The following ACTL8 variants were observed in gnomAD, a reference collection of about 807,000 sequenced individuals.
ACTL8 encodes actin-like protein 8.
ACTL8 carries 3 observed loss-of-function variants against 9.3 expected under a neutral mutation model. The ratio of observed to expected loss-of-function variants is 0.32; its 90% CI spans 0.15 to 0.83. ACTL8 has a LOEUF of 0.83. Ranked by LOEUF, ACTL8 falls within the 40% of genes least tolerant of loss-of-function variation. ACTL8 has a pLI of 0.57. For synonymous variants in ACTL8, 224 were observed against 205.9 expected, an observed-to-expected ratio of 1.09 and a Z score of -0.75; for missense variants, 381 against 492.2, an observed-to-expected ratio of 0.77 and a Z score of 2.14.
At chr1:17,795,339 T>C (rs902341846) in intron 1 of ACTL8, among the ~76,000 whole-genome samples, 9 of 152,226 alleles carry the variant, frequency 5.9e-5, no homozygotes, top group African/African-American at 2.2e-4. Context: ...TAGGGAGGCC[T>C]GGGAAAGGAG....
chr1:17,802,061 A>G (rs2066326112), intron 1 of ACTL8, among the ~76,000 whole-genome samples: 1 of 152,228 alleles, frequency 6.6e-6, no homozygotes, highest in South Asian at 2.1e-4. Context: ...ATGAAGAGAA[A>G]CAAGAAAATG....
Position 17,825,786 on chromosome 1 carries a change from A to G in ACTL8, c.368A>G (p.His123Arg), listed in dbSNP as rs1038300304. The change falls in exon 3 of 3, where the codon CAT becomes CGT. Residue 123 changes from histidine (H) to arginine (R), a missense_variant. His to Arg is a conservative substitution (Grantham distance 29, BLOSUM62 0). Coordinates refer to ENST00000375406, the MANE Select transcript of ACTL8 (RefSeq NM_030812.3). ...KMLEILFELL[H>R]VPSVLLADQL... ...TTGCAGATCCTGTTTGAGTTGCTGC[A>G]TGTCCCATCGGTCCTCCTGGCCGAC... is the stretch of plus-strand genomic sequence containing the variant. 3 of 1,613,318 alleles carry G rather than the reference A, an allele frequency of 1.9e-6. No homozygotes were observed. The highest frequency in any genetic ancestry group is 1.7e-6 in the Non-Finnish European group (2 of 1,179,842).
At chr1:17,806,561 G>T (rs2066361403) in intron 1 of ACTL8, among the ~76,000 whole-genome samples, 1 of 152,242 alleles carries the variant, frequency 6.6e-6, no homozygotes, top group Non-Finnish European at 1.5e-5. Context: ...TCCCCAGGAA[G>T]GGGACTTTGG....
chr1:17,796,145 G>T (rs909140631), intron 1 of ACTL8, among the ~76,000 whole-genome samples: 1 of 152,184 alleles, frequency 6.6e-6, no homozygotes. Context: ...AGGTCCTGGG[G>T]ACCCCAGCTG....
intron 1 of ACTL8, among the ~76,000 whole-genome samples, chr1:17,777,178 T>C (rs1445547100): frequency 6.6e-6 from 1 of 151,948 alleles, no homozygotes; most frequent in Non-Finnish European, 1.5e-5. Context: ...CAAGCGCCTC[T>C]CTTTGAAAAA....
intron 1 of ACTL8, among the ~76,000 whole-genome samples, chr1:17,779,839 A>G (rs559125025): frequency 6.6e-6 from 1 of 152,274 alleles, no homozygotes; most frequent in African/African-American, 2.4e-5. Context: ...TGGGTCTTCC[A>G]TGTTCCTGGG....
intron 1 of ACTL8, among the ~76,000 whole-genome samples, chr1:17,759,640 G>T (rs1466640153): frequency 6.6e-6 from 1 of 152,214 alleles, no homozygotes; most frequent in Non-Finnish European, 1.5e-5. Flanking sequence ...GCTTGTTTCT[G>T]GGTGGAGGCT....
At chr1:17,804,549 C>T (rs1444998035) in intron 1 of ACTL8, among the ~76,000 whole-genome samples, 1 of 151,926 alleles carries the variant, frequency 6.6e-6, no homozygotes, top group African/African-American at 2.4e-5. Flanking sequence ...AAATGGCTGC[C>T]CCTGACCATT....
intron 1 of ACTL8, among the ~76,000 whole-genome samples, chr1:17,756,491 A>G (rs1286172042): frequency 1.3e-5 from 2 of 152,130 alleles, no homozygotes; most frequent in Non-Finnish European, 2.9e-5. Context: ...CTGTTTCTGT[A>G]TTAATTATCG....
In ACTL8 at chr1:17,825,978, G is replaced by GT; in HGVS notation, c.561dup (p.Leu188SerfsTer3). On this transcript the variant is annotated frameshift_variant, in exon 3 of 3. Coordinates refer to ENST00000375406, the MANE Select transcript of ACTL8 (RefSeq NM_030812.3). LOFTEE classifies it low-confidence loss of function (END_TRUNC). ...GATCTCTCCGCCTATCTCCTCAAGAGTCTCTTTAAGGAAGATTGCGATAGA... is the reference window on the plus strand; with the variant it reads ...GATCTCTCCGCCTATCTCCTCAAGAGTTCTCTTTAAGGAAGATTGCGATAGA... 1.9e-6 allele frequency: 3 copies of GT among 1,609,514 alleles called. No individual in the cohort carries two copies. Among genetic ancestry groups the GT allele is most frequent in the Non-Finnish European group, 1.7e-6 (2 of 1,179,994 alleles).
At chr1:17,780,586 C>T (rs1381657374) in intron 1 of ACTL8, among the ~76,000 whole-genome samples, 4 of 151,826 alleles carry the variant, frequency 2.6e-5, no homozygotes, top group Non-Finnish European at 2.9e-5. Context: ...GGGGTGTGTT[C>T]GAAGTAATGT....
intron 1 of ACTL8, among the ~76,000 whole-genome samples, chr1:17,765,150 C>T (rs1017375292): frequency 2.0e-5 from 3 of 152,152 alleles, no homozygotes; most frequent in Admixed American, 6.5e-5. Flanking sequence ...CAGCGATCAC[C>T]GGGTCTGGGG....
chr1:17,762,798 T>G (rs965453335), intron 1 of ACTL8, among the ~76,000 whole-genome samples: 1 of 152,158 alleles, frequency 6.6e-6, no homozygotes, highest in South Asian at 2.1e-4. Flanking sequence ...CGGTGACTCC[T>G]GAGCTGTGGG....
intron 1 of ACTL8, among the ~76,000 whole-genome samples, chr1:17,775,206 C>T (rs897396732): frequency 4.6e-5 from 7 of 152,180 alleles, no homozygotes; most frequent in Non-Finnish European, 8.8e-5. Context: ...TGAGTTCACC[C>T]AGCAAATTAG....
intron 1 of ACTL8, among the ~76,000 whole-genome samples, chr1:17,789,853 C>A (rs1204843712): frequency 2.0e-5 from 3 of 151,974 alleles, no homozygotes; most frequent in Non-Finnish European, 4.4e-5. Context: ...ATTTTTCTGG[C>A]TGGAAACCTC....
At chr1:17,759,838 G>T (rs531897766) in intron 1 of ACTL8, among the ~76,000 whole-genome samples, 5 of 146,928 alleles carry the variant, frequency 3.4e-5, no homozygotes, top group Middle Eastern at 3.6e-3. Context: ...TTTCAGCCCT[G>T]GGGGGCAGCA....
chr1:17,815,251 TTC>T (rs2066419068), intron 1 of ACTL8, among the ~76,000 whole-genome samples: 1 of 152,234 alleles, frequency 6.6e-6, no homozygotes, highest in Non-Finnish European at 1.5e-5. Flanking sequence ...TATTTACCGT[TTC>T]TGTTTCTCTT....
chr1:17,789,294 A>G (rs1028421483), intron 1 of ACTL8, among the ~76,000 whole-genome samples: 4 of 152,060 alleles, frequency 2.6e-5, no homozygotes, highest in African/African-American at 9.7e-5. Flanking sequence ...GAGGACTGGG[A>G]AAGTGATTGC....
At chr1:17,773,102 G>A (rs2066095242) in intron 1 of ACTL8, among the ~76,000 whole-genome samples, 1 of 152,188 alleles carries the variant, frequency 6.6e-6, no homozygotes, top group Non-Finnish European at 1.5e-5. Flanking sequence ...AGCCCCTCGA[G>A]AAGATAGGGA....
Sources: allele counts gnomAD v4.1 joint callset (sites outside exome capture counted in the v4.1 genomes callset), GRCh38; gene constraint gnomAD v4.1.1; transcripts MANE v1.5; gene names NCBI Gene and HGNC (gene_info 2026-07-23, HGNC 2026-07-21).